Variants in COG7 observed in about 807,000 individuals in gnomAD.
COG7 encodes conserved oligomeric Golgi complex subunit 7.
COG7 carries 49 observed loss-of-function variants against 91.5 expected under a neutral mutation model. That is an observed-to-expected ratio of 0.54 (90% CI 0.43 to 0.68). The LOEUF is 0.68. COG7 is among the 30% of genes least tolerant of loss of function. The pLI is 0.00. For missense variants in COG7, 895 were observed against 961.3 expected, an observed-to-expected ratio of 0.93 and a Z score of 0.91; for synonymous variants, 365 against 388.7, an observed-to-expected ratio of 0.94 and a Z score of 0.72.
At chr16:23,423,604 C>G (rs1266943285) in intron 7 of COG7, among the ~76,000 whole-genome samples, 2 of 152,186 alleles carry the variant, frequency 1.3e-5, no homozygotes, top group Non-Finnish European at 2.9e-5. Context: ...GACCTGTGAG[C>G]ATGCCAAAAA....
At chr16:23,430,359 G>T (rs1963914796) in intron 6 of COG7, among the ~76,000 whole-genome samples, 2 of 151,786 alleles carry the variant, frequency 1.3e-5, no homozygotes, top group South Asian at 4.2e-4. Context: ...GCCCAGGGAG[G>T]TCAAGGCTGC....
At chr16:23,446,412 A>G (rs1050719447) in intron 1 of COG7, 1 of 207,168 alleles carries the variant, frequency 4.8e-6, no homozygotes, top group African/African-American at 2.4e-5. Context: ...TAAGCCTCAG[A>G]TAGGTCTGGC....
intron 4 of COG7, among the ~76,000 whole-genome samples, chr16:23,441,452 G>C (rs1964099951): frequency 6.6e-6 from 1 of 152,146 alleles, no homozygotes; most frequent in South Asian, 2.1e-4. Context: ...GCGCACGTCT[G>C]TAATCCCAGC....
Position 23,431,780 on chromosome 16 carries a change from G to A in COG7, c.810+1765C>T, listed in dbSNP as rs146440554. 2.2e-3 allele frequency among the ~76,000 whole-genome samples: 317 copies of A among 146,654 alleles called. 1 individual carries two copies. The highest frequency in any genetic ancestry group is 7.8e-3 in the African/African-American group (307 of 39,456). The stretch of plus-strand genomic sequence containing the variant: ...GCCAAGATTGTGTCCCTGCACTCCA[G>A]CCTGGGTGACAGAGCAAGACTCTGT... On this transcript the variant is annotated intron_variant, in intron 6 of 16. Coordinates refer to ENST00000307149, the MANE Select transcript of COG7 (RefSeq NM_153603.4).
At chr16:23,428,452 C>T (rs1006791050) in intron 6 of COG7, among the ~76,000 whole-genome samples, 4 of 151,908 alleles carry the variant, frequency 2.6e-5, no homozygotes, top group Non-Finnish European at 5.9e-5. Flanking sequence ...ATAGACATTT[C>T]GCAAAGGAAG....
At chr16:23,410,819 C>T (rs1243902025) in intron 10 of COG7, among the ~76,000 whole-genome samples, 1 of 152,182 alleles carries the variant, frequency 6.6e-6, no homozygotes, top group African/African-American at 2.4e-5. Context: ...GACTCTCCTG[C>T]CTCAGCCTCC....
chr16:23,444,125 G>GA (rs1426231717), intron 3 of COG7, among the ~76,000 whole-genome samples: 1 of 150,698 alleles, frequency 6.6e-6, no homozygotes, highest in East Asian at 1.9e-4. Flanking sequence ...GCTTCAGAAT[G>GA]AGACTCCGTT....
intron 4 of COG7, among the ~76,000 whole-genome samples, chr16:23,439,497 G>A (rs1964067340): frequency 6.6e-6 from 1 of 152,132 alleles, no homozygotes. Context: ...TAGAGAAAAT[G>A]TGGTAATATA....
chr16:23,439,506 T>C (rs919089470), intron 4 of COG7, among the ~76,000 whole-genome samples: 1 of 152,134 alleles, frequency 6.6e-6, no homozygotes, highest in African/African-American at 2.4e-5. Flanking sequence ...TGTGGTAATA[T>C]ATGAGATGGA....
At chr16:23,435,129 T>A (rs1963994275) in intron 4 of COG7, among the ~76,000 whole-genome samples, 1 of 152,174 alleles carries the variant, frequency 6.6e-6, no homozygotes. Flanking sequence ...TTTGGGAGGC[T>A]AAGGCAGGCG....
At chr16:23,446,445 C>CTT (rs34254755) in intron 1 of COG7, 77 of 112,794 alleles carry the variant, frequency 6.8e-4, no homozygotes, top group South Asian at 1.2e-3. Flanking sequence ...TTTCCATGGT[C>CTT]TTTTTTTTTT....
chr16:23,443,854 A>G (rs985719373), intron 3 of COG7, among the ~76,000 whole-genome samples: 4 of 152,008 alleles, frequency 2.6e-5, no homozygotes, highest in Admixed American at 2.0e-4. Flanking sequence ...TGTCCGCACA[A>G]GAAAAATTAG....
chr16:23,421,666 T>C (rs887027624), intron 7 of COG7, among the ~76,000 whole-genome samples: 1 of 151,560 alleles, frequency 6.6e-6, no homozygotes, highest in Non-Finnish European at 1.5e-5. Context: ...AATCTAGTGC[T>C]GGTGAGGGGA....
At chr16:23,433,696 T>C (rs1251977348) in intron 5 of COG7, 29 bp from the exon 6 acceptor site, 14 of 1,613,264 alleles carry the variant, frequency 8.7e-6, no homozygotes, top group East Asian at 4.5e-5. Flanking sequence ...GGGAACCTTA[T>C]TGGGTACGTC....
intron 8 of COG7, among the ~76,000 whole-genome samples, chr16:23,417,614 C>G (rs1055466762): frequency 2.0e-5 from 3 of 151,764 alleles, no homozygotes; most frequent in Non-Finnish European, 2.9e-5. Context: ...AAAAAATTAG[C>G]CTGGCATGGT....
At chr16:23,440,626 T>G (rs1964085848) in intron 4 of COG7, among the ~76,000 whole-genome samples, 1 of 151,982 alleles carries the variant, frequency 6.6e-6, no homozygotes, top group African/African-American at 2.4e-5. Flanking sequence ...CCTAGCTAAT[T>G]TTTTATTTTT....
rs1041448930 is a variant in COG7, at chr16:23,451,648, G to C, written c.169+1178C>G. Among the ~76,000 whole-genome samples, 4 of 148,746 alleles carry C rather than the reference G, an allele frequency of 2.7e-5. No homozygotes were observed. The Admixed American group carries it at 2.7e-4, about 10-fold the overall frequency. On this transcript the variant is annotated intron_variant, in intron 1 of 16. Coordinates refer to ENST00000307149, the MANE Select transcript of COG7 (RefSeq NM_153603.4). ...GGCGAGCGGACTGCTTGAACCCAGA[G>C]TTTGAGGCTGCAGTGAACTATGATG...
In COG7 at chr16:23,452,998, G is replaced by T. The variant is rs774921657; in HGVS notation, c.-4C>A. On this transcript the variant is annotated 5_prime_UTR_variant, in exon 1 of 17. Coordinates refer to ENST00000307149, the MANE Select transcript of COG7 (RefSeq NM_153603.4). The stretch of plus-strand genomic sequence containing the variant: ...CCAGGAACTTGGAGAAGTCCATGGC[G>T]GAACTGCCTCAGGCCTGGCGTCCAG... The T allele has an allele frequency of 5.0e-6, 8 of 1,613,926 alleles. No individual in the cohort carries two copies. Among genetic ancestry groups the T allele is most frequent in the Non-Finnish European group, 5.9e-6 (7 of 1,179,964 alleles).
At chr16:23,413,824 G>T in intron 9 of COG7, 1 of 409,534 alleles carries the variant, frequency 2.4e-6, no homozygotes, top group Non-Finnish European at 4.6e-6. Context: ...TCGTGAAGTT[G>T]ACTCCAGGGA....
Sources: gnomAD v4.1 joint callset for allele counts (sites outside exome capture counted in the v4.1 genomes callset) on GRCh38, gnomAD v4.1.1 for gene constraint, MANE v1.5 for transcripts, NCBI Gene and HGNC (gene_info 2026-07-23, HGNC 2026-07-21) for gene names.